TRNT1: variants seen among roughly 807,000 people sequenced by gnomAD.
TRNT1 encodes tRNA nucleotidyl transferase 1.
TRNT1 carries 44 observed loss-of-function variants against 45.6 expected under a neutral mutation model. The observed-to-expected ratio is 0.97, with a 90% CI of 0.76 to 1.24. The LOEUF is 1.24. TRNT1 is among the 50% of genes most tolerant of loss of function. The pLI, the probability that TRNT1 is intolerant of heterozygous loss-of-function variation, is 0.00. For missense variants in TRNT1, 633 were observed against 504.4 expected, an observed-to-expected ratio of 1.25 and a Z score of -2.44; for synonymous variants, 201 against 171.4, an observed-to-expected ratio of 1.17 and a Z score of -1.35.
At chr3:3,147,369 C>A in intron 6 of TRNT1, 81 bp from the exon 7 acceptor site, 8 of 1,512,852 alleles carry the variant, frequency 5.3e-6, no homozygotes, top group Non-Finnish European at 6.3e-6. Context: ...TTTCTGGATA[C>A]TAAAATGGTG....
At chr3:3,142,847 C>T (rs1244548902) in intron 4 of TRNT1, among the ~76,000 whole-genome samples, 1 of 152,104 alleles carries the variant, frequency 6.6e-6, no homozygotes, top group East Asian at 1.9e-4. Context: ...TGCCTATTTA[C>T]ATATTTTCTT....
At chr3:3,151,234 G>A (rs988102759), downstream of TRNT1, among the ~76,000 whole-genome samples, 1 of 152,142 alleles carries the variant, frequency 6.6e-6, no homozygotes, top group Non-Finnish European at 1.5e-5. Flanking sequence ...TTTGTAATAT[G>A]TATGACTTTT....
downstream of TRNT1, chr3:3,150,790 C>T (rs1014765406): frequency 9.3e-6 from 13 of 1,403,976 alleles, no homozygotes; most frequent in South Asian, 1.2e-5. Context: ...AGGTATGTAT[C>T]AGAGGCAATA....
chr3:3,127,750 A>C (rs1704681238), intron 1 of TRNT1: 2 of 152,262 alleles, frequency 1.3e-5, no homozygotes, highest in Admixed American at 1.3e-4. Context: ...TAGAGTTTCT[A>C]GAACCCCGCA....
At chr3:3,152,823 G>A, downstream of TRNT1, 2 of 551,934 alleles carry the variant, frequency 3.6e-6, no homozygotes, top group Non-Finnish European at 6.5e-6. Flanking sequence ...AAAGGAAATA[G>A]TACTTGTTTT....
intron 4 of TRNT1, among the ~76,000 whole-genome samples, chr3:3,142,105 G>T (rs562457394): frequency 4.6e-5 from 7 of 152,272 alleles, no homozygotes; most frequent in African/African-American, 1.7e-4. Flanking sequence ...AATGTAGTCA[G>T]AGCTCCAGGT....
At chr3:3,133,943 A>G (rs1320402035) in intron 2 of TRNT1, among the ~76,000 whole-genome samples, 1 of 152,144 alleles carries the variant, frequency 6.6e-6, no homozygotes, top group African/African-American at 2.4e-5. Context: ...ATTAAAAGTT[A>G]ACATTAAAAA....
intron 5 of TRNT1, chr3:3,144,973 TTTGA>T (rs1705898699): frequency 4.5e-6 from 1 of 220,342 alleles, no homozygotes; most frequent in African/African-American, 2.3e-5. Context: ...CATTTTTCTT[TTTGA>T]TTGATATTTC....
downstream of TRNT1, chr3:3,152,681 G>C: frequency 2.1e-6 from 3 of 1,436,386 alleles, no homozygotes; most frequent in Non-Finnish European, 2.9e-6. Context: ...CAAGAAATGA[G>C]GTATGAGCTA....
downstream of TRNT1, chr3:3,149,608 A>G (rs914150327): frequency 6.6e-6 from 1 of 152,128 alleles, no homozygotes; most frequent in African/African-American, 2.4e-5. Context: ...TGTAAGAACT[A>G]TAGGAACAAA....
At chr3:3,136,418 C>T (rs574125585) in intron 2 of TRNT1, among the ~76,000 whole-genome samples, 1 of 152,226 alleles carries the variant, frequency 6.6e-6, no homozygotes, top group African/African-American at 2.4e-5. Context: ...AATGGTTCTA[C>T]CTAGAGCACA....
chr3:3,137,301 G>A lies in TRNT1; in HGVS notation c.190G>A (p.Gly64Arg). 1 of 1,608,658 alleles carries A rather than the reference G, an allele frequency of 6.2e-7. No individual in the cohort carries two copies. The highest frequency in any genetic ancestry group is 1.1e-5 in the South Asian group (1 of 89,496). Residue 64 changes from glycine (G) to arginine (R), a missense_variant, in exon 3 of 8, where the codon GGA becomes AGA. By Grantham distance (125) the Gly-to-Arg change is moderately radical (BLOSUM62 -2). Transcript: ENST00000251607. ...GAATCACGAATTAAGAATAGCAGGA[G>A]GAGCAGTGAGGGATTTATTAAATGG... ...KENHELRIAGGAVRDLLNGVK... is the reference protein window; with the variant it reads ...KENHELRIAGRAVRDLLNGVK...
intron 3 of TRNT1, among the ~76,000 whole-genome samples, chr3:3,140,274 ATCTT>A: frequency 7.2e-6 from 1 of 138,024 alleles, no homozygotes; most frequent in East Asian, 2.2e-4. Context: ...TGTTAAACTC[ATCTT>A]TTTTAATCAT....
chr3:3,152,733 T>G, downstream of TRNT1: 2 of 1,006,354 alleles, frequency 2.0e-6, no homozygotes, highest in Non-Finnish European at 1.5e-6. Flanking sequence ...ACCAGGATCT[T>G]AGTATGAAAA....
downstream of TRNT1, among the ~76,000 whole-genome samples, chr3:3,151,923 C>T (rs968556148): frequency 1.3e-4 from 20 of 152,200 alleles, no homozygotes; most frequent in Non-Finnish European, 2.4e-4. Context: ...TCCGGTTTTA[C>T]ATTACTACAG....
intron 2 of TRNT1, among the ~76,000 whole-genome samples, chr3:3,134,325 T>C (rs1705190291): frequency 6.6e-6 from 1 of 152,202 alleles, no homozygotes; most frequent in African/African-American, 2.4e-5. Context: ...ATGACTGCTC[T>C]TTCATATAGA....
chr3:3,152,524 A>G, downstream of TRNT1: 1 of 1,614,056 alleles, frequency 6.2e-7, no homozygotes, highest in Non-Finnish European at 8.5e-7. Context: ...TATACACAGT[A>G]AGTGTCTCAT....
At chr3:3,133,823 C>G (rs1705162529) in intron 2 of TRNT1, among the ~76,000 whole-genome samples, 1 of 152,088 alleles carries the variant, frequency 6.6e-6, no homozygotes, top group Non-Finnish European at 1.5e-5. Flanking sequence ...TGTAGTAATG[C>G]TCACACCATG....
chr3:3,142,196 TA>T (rs1214295136), intron 4 of TRNT1, among the ~76,000 whole-genome samples: 3 of 152,228 alleles, frequency 2.0e-5, no homozygotes, highest in Non-Finnish European at 2.9e-5. Context: ...TGGCTTCTCA[TA>T]AGCATACTGA....
Sources: gnomAD v4.1 joint callset for allele counts (sites outside exome capture counted in the v4.1 genomes callset) on GRCh38, gnomAD v4.1.1 for gene constraint, MANE v1.5 for transcripts, NCBI Gene and HGNC (gene_info 2026-07-23, HGNC 2026-07-21) for gene names.